The following ATP7A variants were observed in gnomAD, a reference collection of about 807,000 sequenced individuals.
ATP7A encodes ATPase copper transporting alpha.
ATP7A carries 7 observed loss-of-function variants against 83.5 expected under a neutral mutation model. The observed-to-expected ratio is 0.08, with a 90% confidence interval of 0.05 to 0.16. The LOEUF (loss-of-function observed/expected upper bound fraction) is 0.16. ATP7A is among the 10% of genes least tolerant of loss of function. The probability of loss-of-function intolerance (pLI) is 1.00; values close to 1 mark genes in which losing one functional copy is unlikely to be tolerated. For synonymous variants in ATP7A, 354 were observed against 395.2 expected, an observed-to-expected ratio of 0.90 and a Z score of 1.24; for missense variants, 940 against 1,120.8, an observed-to-expected ratio of 0.84 and a Z score of 2.30.
chrX:77,977,290 G>T (rs1314464200), intron 2 of ATP7A, among the ~76,000 whole-genome samples: 1 of 111,721 alleles, frequency 9.0e-6, no homozygotes, highest in East Asian at 2.8e-4. Context: ...CTGAGGTGGG[G>T]CTGGTGTTGA....
At position 77,942,860 on chromosome X, in the gene ATP7A, G is replaced by A. The variant is rs544303725; in HGVS notation, c.-21-28761G>A. Among the ~76,000 whole-genome samples, 30 of 111,963 alleles carry A rather than the reference G, an allele frequency of 2.7e-4. No homozygotes were observed. The Middle Eastern group carries it at 0.014, about 52-fold the overall frequency. ...GTCTTGCTCTGTCACCCAGGCTGGA[G>A]AGCAGTGGCATGATCTCGGCTGACT... On this transcript the variant is annotated intron_variant, in intron 1 of 22. Coordinates refer to ENST00000341514, the MANE Select transcript of ATP7A (RefSeq NM_000052.7).
At chrX:77,983,004 C>T (rs2077613032) in intron 2 of ATP7A, among the ~76,000 whole-genome samples, 1 of 112,079 alleles carries the variant, frequency 8.9e-6, no homozygotes, top group Admixed American at 9.5e-5. Context: ...ATTGCGCCTT[C>T]TCCCTGTGTC....
chrX:77,998,446 GCAAA>G (rs782284815), intron 4 of ATP7A, 28 bp from the exon 5 acceptor site: 1 of 1,185,315 alleles, frequency 8.4e-7, no homozygotes, highest in South Asian at 1.8e-5. Context: ...GATCAATACT[GCAAA>G]TGAAAAGAAT....
At chrX:77,973,756 T>C (rs2077561604) in intron 2 of ATP7A, among the ~76,000 whole-genome samples, 1 of 112,019 alleles carries the variant, frequency 8.9e-6, no homozygotes, top group African/African-American at 3.2e-5. Flanking sequence ...AAATATCTGC[T>C]GGGATTTTCG....
chrX:77,966,010 G>C (rs1020554654), intron 1 of ATP7A, among the ~76,000 whole-genome samples: 3 of 112,222 alleles, frequency 2.7e-5, no homozygotes, highest in African/African-American at 9.7e-5. Flanking sequence ...TGATAGGTAA[G>C]GGGTATGTTT....
chrX:78,025,055 T>C (rs2077934191), intron 14 of ATP7A, among the ~76,000 whole-genome samples: 1 of 111,558 alleles, frequency 9.0e-6, no homozygotes, highest in Non-Finnish European at 1.9e-5. Flanking sequence ...CTATAGGAGA[T>C]TGTTAGCTCT....
chrX:77,946,638 G>T (rs1557226196), intron 1 of ATP7A, among the ~76,000 whole-genome samples: 1 of 104,676 alleles, frequency 9.6e-6, no homozygotes, highest in African/African-American at 3.5e-5. Context: ...TTTATTCATA[G>T]TTAATTTTGA....
intron 12 of ATP7A, among the ~76,000 whole-genome samples, chrX:78,019,707 G>C (rs184292573): frequency 9.0e-6 from 1 of 110,812 alleles, no homozygotes; most frequent in Non-Finnish European, 1.9e-5. Context: ...CAAGCCATCT[G>C]TCTGCCTCAG....
chrX:78,028,372 A>C (rs1569550132), intron 14 of ATP7A, among the ~76,000 whole-genome samples: 1 of 111,326 alleles, frequency 9.0e-6, no homozygotes, highest in African/African-American at 3.3e-5. Context: ...CATTTTTAAT[A>C]GAGACGGGGT....
At chrX:77,913,312 C>A (rs2077170017) in intron 1 of ATP7A, among the ~76,000 whole-genome samples, 1 of 110,754 alleles carries the variant, frequency 9.0e-6, no homozygotes, top group South Asian at 3.8e-4. Flanking sequence ...CTCAAAATTC[C>A]TTCTATTCAT....
At chrX:77,933,786 G>C (rs2077303516) in intron 1 of ATP7A, among the ~76,000 whole-genome samples, 1 of 112,205 alleles carries the variant, frequency 8.9e-6, no homozygotes, top group African/African-American at 3.2e-5. Flanking sequence ...CATTGTTCCT[G>C]ACTCTGAATT....
At chrX:77,990,344 C>T (rs111838959) in intron 4 of ATP7A, among the ~76,000 whole-genome samples, 6,017 of 111,665 alleles carry the variant, frequency 0.054, 410 homozygotes, top group African/African-American at 0.19. Flanking sequence ...TCTGAATTTA[C>T]GCCATGTATA....
intron 6 of ATP7A, among the ~76,000 whole-genome samples, chrX:78,005,417 C>T (rs782012524): frequency 1.8e-5 from 2 of 109,685 alleles, no homozygotes; most frequent in South Asian, 3.9e-4. Context: ...TGCGGTGGCT[C>T]ATGCCTGTAA....
chrX:78,029,139 A>T, intron 14 of ATP7A, 111 bp from the exon 15 acceptor site: 1 of 798,193 alleles, frequency 1.3e-6, no homozygotes, highest in Non-Finnish European at 1.9e-6. Context: ...GTAGCTAGGT[A>T]GGATATGTCA....
chrX:78,005,368 A>G (rs1339035596), intron 6 of ATP7A, among the ~76,000 whole-genome samples: 1 of 110,816 alleles, frequency 9.0e-6, no homozygotes, highest in Non-Finnish European at 1.9e-5. Context: ...TCCCAATGAT[A>G]ACATCTAATT....
At chrX:78,040,334 G>A (rs138431566) in intron 18 of ATP7A, among the ~76,000 whole-genome samples, 18 of 110,081 alleles carry the variant, frequency 1.6e-4, no homozygotes, top group African/African-American at 5.3e-4. Context: ...TATCCAGTAA[G>A]GTCTCTCTTT....
chrX:77,977,903 C>G (rs782723133), intron 2 of ATP7A, among the ~76,000 whole-genome samples: 1 of 111,662 alleles, frequency 9.0e-6, no homozygotes, highest in Admixed American at 9.6e-5. Flanking sequence ...TGTTAGTAAC[C>G]TTTATTCTTT....
chrX:78,039,613 C>CGT (rs782620067), intron 18 of ATP7A, among the ~76,000 whole-genome samples: 2 of 112,170 alleles, frequency 1.8e-5, no homozygotes, highest in Non-Finnish European at 3.8e-5. Context: ...GGATTACAGG[C>CGT]GTGAGCCACC....
chrX:77,978,224 A>T (rs1245701177), intron 2 of ATP7A, among the ~76,000 whole-genome samples: 1 of 111,073 alleles, frequency 9.0e-6, no homozygotes, highest in Non-Finnish European at 1.9e-5. Flanking sequence ...GACTAAGGGG[A>T]GGTTGAGTTG....
Sources: allele counts gnomAD v4.1 joint callset (sites outside exome capture counted in the v4.1 genomes callset), GRCh38; gene constraint gnomAD v4.1.1; transcripts MANE v1.5; gene names NCBI Gene and HGNC (gene_info 2026-07-23, HGNC 2026-07-21).